HNF4A: variants seen among roughly 807,000 people sequenced by gnomAD.
The protein encoded by HNF4A is hepatocyte nuclear factor 4-alpha.
In HNF4A, 15 loss-of-function variants were observed where a neutral mutation model predicts 52.4. The observed-to-expected ratio is 0.29, with a 90% CI of 0.19 to 0.44. The LOEUF (loss-of-function observed/expected upper bound fraction) is 0.44. Among genes scored for constraint, HNF4A ranks in the 20% least tolerant of loss-of-function variants. The probability of loss-of-function intolerance (pLI) is 1.00; values close to 1 mark genes in which losing one functional copy is unlikely to be tolerated. For missense variants in HNF4A, 479 were observed against 647.2 expected (o/e 0.74, Z 2.82); for synonymous variants, 280 against 264.4 (o/e 1.06, Z -0.57).
At chr20:44,402,700 C>T (rs867582971) in intron 1 of HNF4A, 15 of 1,079,970 alleles carry the variant, frequency 1.4e-5, no homozygotes, top group African/African-American at 4.8e-5. Flanking sequence ...CCCCATCGGT[C>T]CCAGGCCAGC....
chr20:44,355,776 C>T, exon 1 of HNF4A: 5 of 1,612,304 alleles, frequency 3.1e-6, no homozygotes, highest in Non-Finnish European at 4.2e-6. Flanking sequence ...CCTCCATGCC[C>T]CCAGCTCTCC....
chr20:44,409,379 C>T (rs2063548973), intron 3 of HNF4A, among the ~76,000 whole-genome samples: 1 of 152,350 alleles, frequency 6.6e-6, no homozygotes. Flanking sequence ...TTGAGAACTA[C>T]AGTCTAAGGT....
chr20:44,423,422 T>C (rs1042981483), intron 7 of HNF4A, among the ~76,000 whole-genome samples: 4 of 152,136 alleles, frequency 2.6e-5, no homozygotes, highest in Non-Finnish European at 4.4e-5. Context: ...TCAGCAGTGA[T>C]GGAGGGGCCG....
At chr20:44,404,029 G>C (rs952805572) in intron 1 of HNF4A, among the ~76,000 whole-genome samples, 3 of 152,222 alleles carry the variant, frequency 2.0e-5, no homozygotes, top group Admixed American at 6.5e-5. Flanking sequence ...AATTCACCAA[G>C]TGGAGGGGGC....
chr20:44,429,016 A>G (rs554171843), intron 9 of HNF4A, among the ~76,000 whole-genome samples: 2 of 152,374 alleles, frequency 1.3e-5, no homozygotes, highest in East Asian at 1.9e-4. Flanking sequence ...AAAGTTTTCC[A>G]TTGAACAAAG....
intron 1 of HNF4A, among the ~76,000 whole-genome samples, chr20:44,379,825 C>T (rs1385680890): frequency 1.3e-5 from 2 of 151,466 alleles, no homozygotes; most frequent in African/African-American, 4.9e-5. Context: ...CCTCTGCCTC[C>T]CAGGTTCAAG....
chr20:44,402,909 G>A (rs191895990), intron 1 of HNF4A, among the ~76,000 whole-genome samples: 7 of 152,100 alleles, frequency 4.6e-5, no homozygotes, highest in African/African-American at 1.2e-4. Context: ...TGCCCCTGCC[G>A]TCCAGTCACG....
intron 3 of HNF4A, chr20:44,408,156 C>A: frequency 6.3e-6 from 1 of 158,432 alleles, no homozygotes; most frequent in Non-Finnish European, 1.4e-5. Flanking sequence ...TCATGACAAC[C>A]CTATATGGGA....
chr20:44,404,471 C>CGTGT (rs372901574), intron 1 of HNF4A, among the ~76,000 whole-genome samples: 7 of 151,364 alleles, frequency 4.6e-5, no homozygotes, highest in Admixed American at 1.3e-4. Flanking sequence ...TATGAATACA[C>CGTGT]GTGTGTGTGT....
intron 3 of HNF4A, 51 bp from the exon 4 acceptor site, chr20:44,413,643 C>A: frequency 7.3e-7 from 1 of 1,366,610 alleles, no homozygotes. Flanking sequence ...ACACCCCCAC[C>A]CCCTACTCCA....
chr20:44,385,057 A>ATTTT (rs1491454694), intron 1 of HNF4A, among the ~76,000 whole-genome samples: 14 of 29,924 alleles, frequency 4.7e-4, no homozygotes, highest in African/African-American at 2.9e-3. Flanking sequence ...GAACTCTGTG[A>ATTTT]TCTTTTTTTT....
chr20:44,382,839 A>G (rs560104597), intron 1 of HNF4A, among the ~76,000 whole-genome samples: 11 of 152,212 alleles, frequency 7.2e-5, no homozygotes, highest in South Asian at 6.2e-4. Flanking sequence ...TTTTTAACCA[A>G]TGCAGAGGAT....
At position 44,424,190 on chromosome 20, in the gene HNF4A, C is replaced by T. The variant is rs150247632; in HGVS notation, c.1065C>T (p.Ile355=). 8.9e-5 allele frequency: 144 copies of T among 1,614,050 alleles called. 1 individual carries two copies. The African/African-American group carries it at 1.7e-3, about 19-fold the overall frequency. ...TCACCTGGCAGATGATCGAGCAGAT[C>T]CAGTTCATCAAGCTCTTCGGCATGG... Residue 355 remains isoleucine, a synonymous_variant, in exon 8 of 10, where the codon ATC becomes ATT. Transcript: ENST00000316099.
intron 3 of HNF4A, among the ~76,000 whole-genome samples, chr20:44,411,477 G>A (rs2063581315): frequency 6.6e-6 from 1 of 151,978 alleles, no homozygotes; most frequent in African/African-American, 2.4e-5. Context: ...CCGGCCACTC[G>A]GCGCCCTGAT....
chr20:44,398,492 C>G (rs574206730), upstream of HNF4A, among the ~76,000 whole-genome samples: 2 of 152,220 alleles, frequency 1.3e-5, no homozygotes, highest in East Asian at 3.9e-4. Context: ...ATAGGTGGTG[C>G]GTCATTTATA....
At chr20:44,387,450 A>AT (rs1219557483) in intron 1 of HNF4A, among the ~76,000 whole-genome samples, 18 of 151,502 alleles carry the variant, frequency 1.2e-4, no homozygotes, top group Admixed American at 1.2e-3. Flanking sequence ...ACGGAGGGAT[A>AT]TAAAAACAAG....
chr20:44,406,263 A>G, intron 2 of HNF4A, 31 bp downstream of exon 2: 1 of 1,603,342 alleles, frequency 6.2e-7, no homozygotes, highest in Non-Finnish European at 8.5e-7. Context: ...CAGCTGGGAA[A>G]TGGGCACACT....
intron 1 of HNF4A, among the ~76,000 whole-genome samples, chr20:44,382,939 G>A (rs1160858216): frequency 6.6e-6 from 1 of 152,154 alleles, no homozygotes. Flanking sequence ...AGACTAAGAA[G>A]GGGCAGATTG....
intron 1 of HNF4A, among the ~76,000 whole-genome samples, chr20:44,368,147 T>C (rs1365947117): frequency 5.2e-5 from 1 of 19,294 alleles, no homozygotes; most frequent in Admixed American, 4.7e-4. Context: ...TATACATATA[T>C]ATATATATAT....
Sources: gnomAD v4.1 joint callset for allele counts (sites outside exome capture counted in the v4.1 genomes callset) on GRCh38, gnomAD v4.1.1 for gene constraint, MANE v1.5 for transcripts, NCBI Gene and HGNC (gene_info 2026-07-23, HGNC 2026-07-21) for gene names.